IGF2BP3: variants seen among roughly 807,000 people sequenced by gnomAD.
IGF2BP3 encodes the protein insulin-like growth factor 2 mRNA-binding protein 3.
IGF2BP3 carries 9 observed loss-of-function variants against 73.8 expected under a neutral mutation model. The ratio of observed to expected loss-of-function variants is 0.12; its 90% CI spans 0.07 to 0.21. The LOEUF (loss-of-function observed/expected upper bound fraction) is 0.21. Ranked by LOEUF, IGF2BP3 falls within the 10% of genes least tolerant of loss-of-function variation. IGF2BP3 has a pLI of 1.00. For synonymous variants in IGF2BP3, 258 were observed against 256.7 expected (o/e 1.01, Z -0.05); for missense variants, 542 against 714.0 (o/e 0.76, Z 2.75).
chr7:23,327,592 A>C (rs1784337506), intron 10 of IGF2BP3, among the ~76,000 whole-genome samples: 1 of 152,134 alleles, frequency 6.6e-6, no homozygotes, highest in East Asian at 1.9e-4. Context: ...GAAATTCTTA[A>C]AAAGTCTCAA....
chr7:23,457,400 G>C (rs571653983), intron 2 of IGF2BP3, among the ~76,000 whole-genome samples: 119 of 152,222 alleles, frequency 7.8e-4, no homozygotes, highest in Middle Eastern at 3.4e-3. Context: ...GGCAGGTGGA[G>C]GTTTCAGTGA....
At position 23,470,278 on chromosome 7, in the gene IGF2BP3, C is replaced by T; in HGVS notation, c.-168G>A. 3.9e-6 allele frequency: 2 copies of T among 510,650 alleles called. No homozygotes were observed. The highest frequency in any genetic ancestry group is 3.3e-5 in the East Asian group (1 of 30,542). The allele number at this position is 510,650 out of a possible 1,614,324, so 31.6% of individuals were successfully genotyped here. A position where few individuals can be genotyped will look rare whatever the true frequency, so the allele number is the denominator to read the frequency against. ...AGAACGAGGAGTGAAAAATCAGATC[C>T]GAGGCTTGTTTTTTCCTTGTCTAGA... On this transcript the variant is annotated 5_prime_UTR_variant, in exon 1 of 15. Transcript: ENST00000258729.
chr7:23,358,274 C>T (rs1057109396), intron 5 of IGF2BP3, among the ~76,000 whole-genome samples: 1 of 152,216 alleles, frequency 6.6e-6, no homozygotes, highest in Admixed American at 6.5e-5. Flanking sequence ...CTCATACTTT[C>T]ACAAGTACAT....
intron 3 of IGF2BP3, among the ~76,000 whole-genome samples, chr7:23,367,430 A>T (rs180925788): frequency 7.0e-6 from 1 of 142,734 alleles, no homozygotes; most frequent in African/African-American, 2.9e-5. Flanking sequence ...TACTTCTTTT[A>T]AACAGTCTTA....
intron 2 of IGF2BP3, among the ~76,000 whole-genome samples, chr7:23,454,829 C>A (rs1052506544): frequency 1.3e-5 from 2 of 152,192 alleles, no homozygotes; most frequent in East Asian, 1.9e-4. Context: ...CTTGGGATGT[C>A]TTTAACAAAA....
At chr7:23,396,152 C>T (rs1448936531) in intron 3 of IGF2BP3, among the ~76,000 whole-genome samples, 1 of 151,436 alleles carries the variant, frequency 6.6e-6, no homozygotes, top group East Asian at 1.9e-4. Context: ...AGCCATTGTT[C>T]TGGGTCTTTG....
intron 3 of IGF2BP3, among the ~76,000 whole-genome samples, chr7:23,407,851 A>C (rs935131921): frequency 1.3e-5 from 2 of 150,728 alleles, no homozygotes; most frequent in Admixed American, 6.6e-5. Flanking sequence ...CTCAACAAAA[A>C]TGTTAGCAAA....
intron 3 of IGF2BP3, among the ~76,000 whole-genome samples, chr7:23,409,932 G>A (rs901507016): frequency 2.0e-5 from 3 of 152,158 alleles, no homozygotes; most frequent in Admixed American, 6.5e-5. Flanking sequence ...ACTTTGGGAG[G>A]CCAAGATGGG....
intron 6 of IGF2BP3, among the ~76,000 whole-genome samples, chr7:23,350,486 G>A (rs1350951263): frequency 1.3e-5 from 2 of 152,174 alleles, no homozygotes; most frequent in Middle Eastern, 3.2e-3. Flanking sequence ...GGAAGAGTTT[G>A]TCACCAAGCT....
At chr7:23,349,137 A>C (rs1784900479) in intron 6 of IGF2BP3, among the ~76,000 whole-genome samples, 1 of 152,206 alleles carries the variant, frequency 6.6e-6, no homozygotes, top group African/African-American at 2.4e-5. Flanking sequence ...GCCATTTTTT[A>C]ATAAGTACAA....
At chr7:23,455,648 GA>G (rs945270957) in intron 2 of IGF2BP3, among the ~76,000 whole-genome samples, 2 of 152,130 alleles carry the variant, frequency 1.3e-5, no homozygotes, top group Non-Finnish European at 2.9e-5. Context: ...AGAACAAAGT[GA>G]AAGCCACTGT....
chr7:23,346,643 C>T (rs1481389195), intron 7 of IGF2BP3, among the ~76,000 whole-genome samples: 1 of 150,994 alleles, frequency 6.6e-6, no homozygotes, highest in East Asian at 1.9e-4. Context: ...GCCAGGCAGG[C>T]GTGCAGTGGC....
rs183154100 is a variant in IGF2BP3, at chr7:23,360,599, C to A, written c.401+935G>T. On this transcript the variant is annotated intron_variant, in intron 5 of 14. Coordinates refer to ENST00000258729, the MANE Select transcript of IGF2BP3 (RefSeq NM_006547.3). The stretch of plus-strand genomic sequence containing the variant: ...AGTTCCATTTACCTTATACACATTT[C>A]CATCTTCTTCTCAGTCTTTTCTTTC... Among the ~76,000 whole-genome samples the A allele has an allele frequency of 3.2e-4, 49 of 152,292 alleles. No individual in the cohort carries two copies. In the East Asian group the frequency reaches 8.9e-3, roughly 28 times the overall value.
intron 10 of IGF2BP3, among the ~76,000 whole-genome samples, chr7:23,322,164 A>C (rs1225162558): frequency 6.6e-6 from 1 of 152,198 alleles, no homozygotes; most frequent in Non-Finnish European, 1.5e-5. Flanking sequence ...AAGAAGTTGA[A>C]AACTTTGAAA....
In IGF2BP3 at chr7:23,418,770, T is replaced by C; in HGVS notation, c.285+6A>G. ...AGATCTTAATTTTAAATACAGAAAT[T>C]CTTACCTCCCACTGTAAATGAGGCG... is the stretch of plus-strand genomic sequence containing the variant. On this transcript the variant is annotated splice_donor_region_variant and intron_variant, in intron 3 of 14. Transcript: ENST00000258729. The C allele has an allele frequency of 6.4e-7, 1 of 1,559,362 alleles. No homozygotes were observed. Among genetic ancestry groups the C allele is most frequent in the Non-Finnish European group, 8.8e-7 (1 of 1,139,790 alleles).
intron 11 of IGF2BP3, chr7:23,317,943 T>C: frequency 1.8e-6 from 1 of 546,828 alleles, no homozygotes; most frequent in Non-Finnish European, 3.3e-6. Flanking sequence ...CCACGTGCTG[T>C]CTCTCAGCTA....
intron 10 of IGF2BP3, among the ~76,000 whole-genome samples, chr7:23,334,190 G>A (rs1784515062): frequency 1.3e-5 from 2 of 152,060 alleles, no homozygotes; most frequent in South Asian, 4.1e-4. Flanking sequence ...ACAAAAATTA[G>A]CTGGGCACGT....
chr7:23,418,062 A>C (rs1479301870), intron 3 of IGF2BP3, among the ~76,000 whole-genome samples: 1 of 152,182 alleles, frequency 6.6e-6, no homozygotes, highest in African/African-American at 2.4e-5. Context: ...GTGACTCATC[A>C]AATGTCATTT....
chr7:23,420,145 G>A (rs1029448064), intron 2 of IGF2BP3, among the ~76,000 whole-genome samples: 1 of 152,152 alleles, frequency 6.6e-6, no homozygotes, highest in African/African-American at 2.4e-5. Context: ...TAGCAATTGA[G>A]CTTGACATCT....
Sources: allele counts gnomAD v4.1 joint callset (sites outside exome capture counted in the v4.1 genomes callset), GRCh38; gene constraint gnomAD v4.1.1; transcripts MANE v1.5; gene names NCBI Gene and HGNC (gene_info 2026-07-23, HGNC 2026-07-21).